Variants in RB1 observed in about 807,000 individuals in gnomAD.
RB1 encodes retinoblastoma-associated protein.
In RB1, 18 loss-of-function variants were observed where a neutral mutation model predicts 135.4. That is an observed-to-expected ratio of 0.13 (90% CI 0.09 to 0.20). The LOEUF is 0.20. Among genes scored for constraint, RB1 ranks in the 10% least tolerant of loss-of-function variants. RB1 has a pLI of 1.00. For missense variants in RB1, 868 were observed against 1,110.0 expected, an observed-to-expected ratio of 0.78 and a Z score of 3.10; for synonymous variants, 365 against 373.2, an observed-to-expected ratio of 0.98 and a Z score of 0.25.
At chr13:48,317,701 G>A in intron 2 of RB1, 1 of 509,158 alleles carries the variant, frequency 2.0e-6, no homozygotes, top group Non-Finnish European at 3.0e-6. Context: ...CCCTTGGGCG[G>A]GAGCAGCGGG....
At chr13:48,463,665 G>T in intron 20 of RB1, 66 bp from the exon 21 acceptor site, 1 of 987,898 alleles carries the variant, frequency 1.0e-6, no homozygotes, top group Non-Finnish European at 1.6e-6. Context: ...GAAAGAAAAT[G>T]GTATTTTTTA....
In RB1 at chr13:48,456,053, T is replaced by C. The variant is rs1473948270; in HGVS notation, c.1815-151T>C. Reference sequence around the variant, plus strand: ...TGATGATGACAAGCAGTTTTCCTATTAATATATCTTTCCCAGCTTGCATTT... The same window carrying C: ...TGATGATGACAAGCAGTTTTCCTATCAATATATCTTTCCCAGCTTGCATTT... On this transcript the variant is annotated intron_variant, in intron 18 of 26. Transcript: ENST00000267163. 13 of 1,405,526 alleles carry C rather than the reference T, an allele frequency of 9.2e-6. No homozygotes were observed. In the South Asian group the frequency reaches 2.0e-4, roughly 21 times the overall value. 87.1% of individuals were successfully genotyped at this position (1,405,526 alleles called of 1,614,324 possible). A position where few individuals can be genotyped will look rare whatever the true frequency, so the allele number is the denominator to read the frequency against.
intron 10 of RB1, among the ~76,000 whole-genome samples, chr13:48,367,820 CT>C (rs1378969958): frequency 4.6e-5 from 7 of 152,086 alleles, no homozygotes; most frequent in African/African-American, 1.7e-4. Flanking sequence ...TAACAGTTAC[CT>C]TTTTGCAGTT....
rs115899031 is a variant in RB1 at position 48,398,177 on chromosome 13, A to G, written c.1695+16734A>G. Reference sequence around the variant, plus strand: ...TAAAAGCTTCTCATGAATTACCTAAAATAACCATGTATTTACTTTTCTTTG... The same window carrying G: ...TAAAAGCTTCTCATGAATTACCTAAGATAACCATGTATTTACTTTTCTTTG... On this transcript the variant is annotated intron_variant, in intron 17 of 26. Transcript: ENST00000267163. 4.6e-3 allele frequency among the ~76,000 whole-genome samples: 706 copies of G among 152,308 alleles called. 6 individuals carry two copies. Among genetic ancestry groups the G allele is most frequent in the African/African-American group, 0.016 (672 of 41,572 alleles).
intron 2 of RB1, among the ~76,000 whole-genome samples, chr13:48,309,707 A>G (rs754759409): frequency 1.3e-5 from 2 of 152,202 alleles, no homozygotes; most frequent in Non-Finnish European, 2.9e-5. Context: ...GTAGTTTTCA[A>G]TTTATAAGTG....
In RB1 at chr13:48,322,537, T is replaced by A. The variant is rs142137924; in HGVS notation, c.264+15131T>A. Among the ~76,000 whole-genome samples the A allele has an allele frequency of 1.7e-3, 253 of 152,338 alleles. 1 individual carries two copies. Among genetic ancestry groups the A allele is most frequent in the African/African-American group, 5.8e-3 (242 of 41,580 alleles). ...CCTTTTATTTCTTTTTCTTGCCTAA[T>A]TGCTTTGTCTAAAATCTCCAATAGA... On this transcript the variant is annotated intron_variant, in intron 2 of 26. Transcript: ENST00000267163.
At chr13:48,472,011 A>G (rs1331180790) in intron 23 of RB1, among the ~76,000 whole-genome samples, 1 of 152,242 alleles carries the variant, frequency 6.6e-6, no homozygotes, top group Non-Finnish European at 1.5e-5. Context: ...GTATGCAACT[A>G]CAAATCATTA....
chr13:48,427,009 C>T, intron 17 of RB1: 1 of 152,810 alleles, frequency 6.5e-6, no homozygotes, highest in South Asian at 2.1e-4. Context: ...AGGTCCCATG[C>T]CCTTTTTAAA....
rs990230168 is a variant in RB1 at position 48,319,297 on chromosome 13, T to A, written c.264+11891T>A. ...GCTGTGTGCGGGGTCAGGCGTCCTC[T>A]CTCCTCCCGGCGCTGGGCCCTCTGG... On this transcript the variant is annotated intron_variant, in intron 2 of 26. Coordinates refer to ENST00000267163, the MANE Select transcript of RB1 (RefSeq NM_000321.3). This position sits in a 1 kb window ranked among gnomAD's most constrained non-coding sequence, Gnocchi z 5.0. 1.2e-5 allele frequency: 8 copies of A among 686,170 alleles called. No homozygotes were observed. Among genetic ancestry groups the A allele is most frequent in the Non-Finnish European group, 1.9e-5 (8 of 427,074 alleles). 42.5% of individuals were successfully genotyped at this position (686,170 alleles called of 1,614,324 possible). A position where few individuals can be genotyped will look rare whatever the true frequency, so the allele number is the denominator to read the frequency against.
chr13:48,325,717 A>G (rs989199888), intron 2 of RB1, among the ~76,000 whole-genome samples: 4 of 151,736 alleles, frequency 2.6e-5, no homozygotes, highest in African/African-American at 9.7e-5. Flanking sequence ...TGGGTATATC[A>G]TAATTTATTT....
intron 2 of RB1, among the ~76,000 whole-genome samples, chr13:48,337,232 C>T (rs1952393426): frequency 6.6e-6 from 1 of 152,072 alleles, no homozygotes; most frequent in South Asian, 2.1e-4. Flanking sequence ...CCTGGATATC[C>T]TTGTTAACGT....
chr13:48,425,461 G>C (rs58933677), intron 17 of RB1, among the ~76,000 whole-genome samples: 1,918 of 152,318 alleles, frequency 0.013, 70 homozygotes, highest in East Asian at 0.12. Context: ...GTTGGGTAAG[G>C]CTAGGTGGGT....
intron 2 of RB1, among the ~76,000 whole-genome samples, chr13:48,327,683 G>A (rs1034589011): frequency 4.1e-4 from 62 of 152,164 alleles, no homozygotes; most frequent in African/African-American, 1.5e-3. Context: ...ATTCCTGGGA[G>A]CCAGACAAGT....
At chr13:48,341,316 A>G (rs1012085889) in intron 2 of RB1, 3 of 149,958 alleles carry the variant, frequency 2.0e-5, no homozygotes, top group African/African-American at 4.9e-5. Context: ...TTATTTTTCC[A>G]TGCACTTCTT....
intron 17 of RB1, chr13:48,445,292 C>T (rs531715873): frequency 9.8e-5 from 15 of 152,328 alleles, no homozygotes; most frequent in African/African-American, 3.6e-4. Context: ...GGAAGCCAGA[C>T]ACAATTGAAC....
At chr13:48,354,796 G>A (rs1449991875) in intron 6 of RB1, among the ~76,000 whole-genome samples, 1 of 151,916 alleles carries the variant, frequency 6.6e-6, no homozygotes, top group Non-Finnish European at 1.5e-5. Flanking sequence ...TTTTGACAGT[G>A]GCCAAGAACA....
In RB1 at chr13:48,315,542, G is replaced by A. The variant is rs143143263; in HGVS notation, c.264+8136G>A. Among the ~76,000 whole-genome samples the A allele has an allele frequency of 1.8e-3, 278 of 152,256 alleles. 3 individuals are homozygous for A. Among genetic ancestry groups the A allele is most frequent in the African/African-American group, 6.3e-3 (260 of 41,542 alleles). On this transcript the variant is annotated intron_variant, in intron 2 of 26. Transcript: ENST00000267163. Reference sequence around the variant, plus strand: ...TTCTCTTGTCTGATTGCTGTGGCTAGGACTTCCAATACCATGTTGAATAGG... The same window carrying A: ...TTCTCTTGTCTGATTGCTGTGGCTAAGACTTCCAATACCATGTTGAATAGG...
intron 2 of RB1, among the ~76,000 whole-genome samples, chr13:48,326,668 GAGTT>G (rs1466071028): frequency 6.6e-6 from 1 of 152,042 alleles, no homozygotes; most frequent in African/African-American, 2.4e-5. Flanking sequence ...AGTTAACAAA[GAGTT>G]AGGAATATAC....
chr13:48,374,481 T>G (rs979023103), intron 12 of RB1, among the ~76,000 whole-genome samples: 1 of 152,224 alleles, frequency 6.6e-6, no homozygotes, highest in African/African-American at 2.4e-5. Context: ...CATAATCTGT[T>G]GTCATCTCTT....
Sources: allele counts gnomAD v4.1 joint callset (sites outside exome capture counted in the v4.1 genomes callset), GRCh38; gene constraint gnomAD v4.1.1; non-coding constraint Gnocchi (gnomAD v3.1); transcripts MANE v1.5; gene names NCBI Gene and HGNC (gene_info 2026-07-23, HGNC 2026-07-21).